PLCL1: variants seen among roughly 807,000 people sequenced by gnomAD.
PLCL1 encodes the protein phospholipase C like 1 (inactive).
In PLCL1, 41 loss-of-function variants were observed where a neutral mutation model predicts 84.4. That is an observed-to-expected ratio of 0.49 (90% CI 0.38 to 0.63). The LOEUF (loss-of-function observed/expected upper bound fraction) is 0.63, where lower values mean the gene tolerates loss of function less well. Ranked by LOEUF, PLCL1 falls within the 30% of genes least tolerant of loss-of-function variation. PLCL1 has a pLI of 0.00. For synonymous variants in PLCL1, 490 were observed against 488.3 expected (o/e 1.00, Z -0.05); for missense variants, 1,206 against 1,367.8 (o/e 0.88, Z 1.87).
At chr2:197,967,638 A>G (rs1283164696) in intron 1 of PLCL1, among the ~76,000 whole-genome samples, 3 of 152,128 alleles carry the variant, frequency 2.0e-5, no homozygotes, top group South Asian at 2.1e-4. Context: ...TATTTACTTG[A>G]CAGTTAAAAA....
intron 3 of PLCL1, among the ~76,000 whole-genome samples, chr2:198,096,808 A>G (rs1693208433): frequency 6.6e-6 from 1 of 152,206 alleles, no homozygotes; most frequent in Admixed American, 6.5e-5. Flanking sequence ...CTAGCAAAAA[A>G]GAGCTAATTG....
In PLCL1 at chr2:198,149,023, CA is replaced by C. The variant is rs1370008091; in HGVS notation, c.*2062del. The C allele has an allele frequency of 2.0e-5, 3 of 152,332 alleles. No homozygotes were observed. Among genetic ancestry groups the C allele is most frequent in the Non-Finnish European group, 4.4e-5 (3 of 68,058 alleles). The allele number at this position is 152,332 out of a possible 1,614,324, so 9.4% of individuals were successfully genotyped here. A position where few individuals can be genotyped will look rare whatever the true frequency, so the allele number is the denominator to read the frequency against. ...GATGCTATTTCTGGCAGTGGGTTGT[CA>C]GCCATACTCTGCTTCATTCCACTGG... On this transcript the variant is annotated 3_prime_UTR_variant, in exon 6 of 6. Transcript: ENST00000428675.
chr2:197,966,870 A>C (rs1374475880), intron 1 of PLCL1, among the ~76,000 whole-genome samples: 1 of 76,680 alleles, frequency 1.3e-5, no homozygotes, highest in African/African-American at 5.8e-5. Context: ...TTTTTTTTTG[A>C]GACAGAGTCT....
intron 1 of PLCL1, among the ~76,000 whole-genome samples, chr2:197,969,057 T>C (rs956541853): frequency 6.6e-6 from 1 of 152,166 alleles, no homozygotes; most frequent in African/African-American, 2.4e-5. Context: ...ATAGGAGTGG[T>C]AACTATTTGT....
chr2:198,028,940 C>A (rs1214376987), intron 1 of PLCL1, among the ~76,000 whole-genome samples: 1 of 152,028 alleles, frequency 6.6e-6, no homozygotes, highest in Non-Finnish European at 1.5e-5. Flanking sequence ...ATATACAGTA[C>A]TATTCAAACA....
chr2:197,952,651 T>G (rs575539793), intron 1 of PLCL1, among the ~76,000 whole-genome samples: 1 of 152,288 alleles, frequency 6.6e-6, no homozygotes, highest in African/African-American at 2.4e-5. Flanking sequence ...CTAATATGGT[T>G]GGCAAATCTC....
At chr2:198,042,195 A>G (rs1400815447) in intron 1 of PLCL1, among the ~76,000 whole-genome samples, 1 of 152,180 alleles carries the variant, frequency 6.6e-6, no homozygotes, top group Admixed American at 6.6e-5. Context: ...AGGTCTGTAA[A>G]TATACAGCAA....
chr2:197,807,465 C>A (rs1423384895), intron 1 of PLCL1, among the ~76,000 whole-genome samples: 1 of 42,442 alleles, frequency 2.4e-5, no homozygotes, highest in African/African-American at 1.8e-4. Flanking sequence ...TCCCAGAGGC[C>A]TTAACGCCCT....
chr2:197,859,025 G>A (rs987127729), intron 1 of PLCL1, among the ~76,000 whole-genome samples: 1 of 152,250 alleles, frequency 6.6e-6, no homozygotes. Context: ...GGAAGGCCTC[G>A]TGACGTCTAT....
chr2:197,817,811 C>T (rs1279994698), intron 1 of PLCL1, among the ~76,000 whole-genome samples: 1 of 152,076 alleles, frequency 6.6e-6, no homozygotes, highest in Non-Finnish European at 1.5e-5. Context: ...TATAAATGGG[C>T]TGAGTAAATG....
chr2:198,004,105 A>G (rs1310912300), intron 1 of PLCL1, among the ~76,000 whole-genome samples: 2 of 152,128 alleles, frequency 1.3e-5, no homozygotes, highest in Non-Finnish European at 2.9e-5. Context: ...TAAACTTTAA[A>G]CATTATTTAA....
intron 1 of PLCL1, among the ~76,000 whole-genome samples, chr2:197,945,435 G>T (rs148836503): frequency 1.3e-5 from 2 of 152,160 alleles, no homozygotes; most frequent in African/African-American, 4.8e-5. Flanking sequence ...TAGAAACACA[G>T]AATTAGAAAT....
At chr2:198,139,935 C>CA (rs1574340942) in intron 5 of PLCL1, among the ~76,000 whole-genome samples, 1 of 146,754 alleles carries the variant, frequency 6.8e-6, no homozygotes, top group African/African-American at 2.5e-5. Context: ...AAATTTCATA[C>CA]TTTTTTTTTT....
At chr2:197,935,730 CAACAAA>C (rs1294135030) in intron 1 of PLCL1, among the ~76,000 whole-genome samples, 1 of 152,126 alleles carries the variant, frequency 6.6e-6, no homozygotes, top group Non-Finnish European at 1.5e-5. Flanking sequence ...TTTACCTATA[CAACAAA>C]CCTGCATGTG....
At chr2:197,975,466 T>C (rs1689960442) in intron 1 of PLCL1, among the ~76,000 whole-genome samples, 3 of 152,126 alleles carry the variant, frequency 2.0e-5, no homozygotes, top group East Asian at 1.9e-4. Flanking sequence ...TCAACTCTTA[T>C]GTCTTTCCAG....
chr2:198,036,111 G>A (rs1017109982), intron 1 of PLCL1, among the ~76,000 whole-genome samples: 1 of 152,158 alleles, frequency 6.6e-6, no homozygotes, highest in African/African-American at 2.4e-5. Flanking sequence ...GGTTGTTTGA[G>A]GCAAGAATCA....
intron 1 of PLCL1, among the ~76,000 whole-genome samples, chr2:197,952,496 G>T (rs1281366484): frequency 6.6e-6 from 1 of 152,136 alleles, no homozygotes; most frequent in Non-Finnish European, 1.5e-5. Context: ...CCAGGTGCCA[G>T]CAGTAAACGT....
chr2:197,951,692 T>A (rs910505407), intron 1 of PLCL1, among the ~76,000 whole-genome samples: 6 of 152,182 alleles, frequency 3.9e-5, no homozygotes, highest in Non-Finnish European at 7.3e-5. Context: ...TGGATTTCTG[T>A]CACTTTACAA....
At chr2:198,146,355 A>T (rs1694515741) in intron 5 of PLCL1, among the ~76,000 whole-genome samples, 1 of 152,096 alleles carries the variant, frequency 6.6e-6, no homozygotes, top group Non-Finnish European at 1.5e-5. Flanking sequence ...TCTTGTACAG[A>T]GGGGGAGATT....
Sources: gnomAD v4.1 joint callset for allele counts (sites outside exome capture counted in the v4.1 genomes callset) on GRCh38, gnomAD v4.1.1 for gene constraint, MANE v1.5 for transcripts, NCBI Gene and HGNC (gene_info 2026-07-23, HGNC 2026-07-21) for gene names.